Variants in CUL9 observed in about 807,000 individuals in gnomAD.
The protein encoded by CUL9 is cullin-9.
Under a neutral mutation model 272.6 loss-of-function variants are expected in CUL9, and 79 were observed. The ratio of observed to expected loss-of-function variants is 0.29; its 90% CI spans 0.24 to 0.35. The LOEUF is 0.35. CUL9 is among the 10% of genes least tolerant of loss of function. The pLI, the probability that CUL9 is intolerant of heterozygous loss-of-function variation, is 1.00. For synonymous variants in CUL9, 1,186 were observed against 1,286.5 expected, an observed-to-expected ratio of 0.92 and a Z score of 1.67; for missense variants, 2,532 against 3,255.6, an observed-to-expected ratio of 0.78 and a Z score of 5.41.
At chr6:43,191,840 C>T (rs1773543614) in intron 8 of CUL9, among the ~76,000 whole-genome samples, 1 of 151,790 alleles carries the variant, frequency 6.6e-6, no homozygotes, top group Non-Finnish European at 1.5e-5. Flanking sequence ...CTACCTCAGT[C>T]TCCCAAAGTG....
Position 43,184,735 on chromosome 6 carries a change from T to C in CUL9, c.425T>C (p.Val142Ala), listed in dbSNP as rs769946130. The change falls in exon 2 of 41, where the codon GTG (valine) becomes GCG (alanine). Residue 142 changes from valine (V) to alanine (A), a missense_variant. By Grantham distance (64) the Val-to-Ala change is moderately conservative (BLOSUM62 0). Coordinates refer to ENST00000252050, the MANE Select transcript of CUL9 (RefSeq NM_015089.4). The surrounding 1 kb of genome is among the most constrained non-coding windows in gnomAD (Gnocchi z 4.8). Reference protein sequence around the residue: ...ESGTPSLTAAVLHTIHVLSAY... With the variant: ...ESGTPSLTAAALHTIHVLSAY... ...GGGACCCCAAGCCTCACGGCCGCTG[T>C]GCTTCACACCATCCACGTGCTCAGT... is the stretch of plus-strand genomic sequence containing the variant. 1.2e-6 allele frequency: 2 copies of C among 1,614,088 alleles called. No individual in the cohort carries two copies. The highest frequency in any genetic ancestry group is 1.7e-6 in the Non-Finnish European group (2 of 1,180,052).
In CUL9 at chr6:43,204,363, C is replaced by A; in HGVS notation, c.4163C>A (p.Ala1388Glu). 2 of 1,613,652 alleles carry A rather than the reference C, an allele frequency of 1.2e-6. No individual in the cohort carries two copies. Among genetic ancestry groups the A allele is most frequent in the Non-Finnish European group, 1.7e-6 (2 of 1,179,622 alleles). Residue 1388 changes from alanine (A) to glutamate (E), a missense_variant, in exon 21 of 41, where the codon GCG becomes GAG. Around this residue, in one of 3 missense-constraint regions of CUL9, gnomAD observed 2,218 missense variants for 2,788.6 expected, o/e 0.80. Coordinates refer to ENST00000252050, the MANE Select transcript of CUL9 (RefSeq NM_015089.4). ...TTCCTGACCTGTCTTCTTTCAGATG[C>A]GGAAGGCGTGAGTGCCCTGGGATGG... ...PLVQNITSPD[A>E]EGVSALGWLL...
At chr6:43,207,083 ATCCACCC>A (rs908055816) in intron 26 of CUL9, among the ~76,000 whole-genome samples, 43 of 152,168 alleles carry the variant, frequency 2.8e-4, no homozygotes, top group African/African-American at 1.0e-3. Flanking sequence ...ACCTCAGGTG[ATCCACCC>A]GCCTCAGTGA....
Position 43,223,089 on chromosome 6 carries a change from C to T in CUL9, c.7151-175C>T. ...CTACATTGTAAGGTGCCCAAGGGCG[C>T]AGATGTTCGTGGATGTTTCTTGGTT... On this transcript the variant is annotated intron_variant, in intron 38 of 40. Coordinates refer to ENST00000252050, the MANE Select transcript of CUL9 (RefSeq NM_015089.4). This position sits in a 1 kb window ranked among gnomAD's most constrained non-coding sequence, Gnocchi z 4.1. 2.0e-6 allele frequency: 2 copies of T among 1,020,310 alleles called. No homozygotes were observed. Among genetic ancestry groups the T allele is most frequent in the Non-Finnish European group, 1.4e-6 (1 of 705,164 alleles). The allele number at this position is 1,020,310 out of a possible 1,614,324, so 63.2% of individuals were successfully genotyped here.
chr6:43,185,337 T>C (rs1772807718), intron 2 of CUL9, 119 bp from the exon 3 acceptor site: 1 of 983,998 alleles, frequency 1.0e-6, no homozygotes. Flanking sequence ...AATGTATTTC[T>C]TTCTGTGAGC....
Position 43,223,248 on chromosome 6 carries a change from C to A in CUL9, c.7151-16C>A. On this transcript the variant is annotated splice_polypyrimidine_tract_variant and intron_variant, in intron 38 of 40. Coordinates refer to ENST00000252050, the MANE Select transcript of CUL9 (RefSeq NM_015089.4). The surrounding 1 kb of genome is among the most constrained non-coding windows in gnomAD (Gnocchi z 4.1). Reference sequence around the variant, plus strand: ...AATGAGAAGGGAGGGAGCCTCTGTGCCTGCCCCCTCTGCAGAGGAAACCCT... The same window carrying A: ...AATGAGAAGGGAGGGAGCCTCTGTGACTGCCCCCTCTGCAGAGGAAACCCT... 6.3e-7 allele frequency: 1 copy of A among 1,587,570 alleles called. No individual in the cohort carries two copies. Among genetic ancestry groups the A allele is most frequent in the Non-Finnish European group, 8.6e-7 (1 of 1,164,818 alleles).
In CUL9 at chr6:43,215,344, C is replaced by T. The variant is rs1433778845; in HGVS notation, c.5936+18C>T. 4 of 1,588,154 alleles carry T rather than the reference C, an allele frequency of 2.5e-6. No homozygotes were observed. The highest frequency in any genetic ancestry group is 3.4e-6 in the Non-Finnish European group (4 of 1,168,076). On this transcript the variant is annotated intron_variant, in intron 30 of 40. Transcript: ENST00000252050. Reference sequence around the variant, plus strand: ...AAGCCCAGGTAGCCACTGCACCTGACCCCTTGCAGTGAGGCGGGAGAGGTG... The same window carrying T: ...AAGCCCAGGTAGCCACTGCACCTGATCCCTTGCAGTGAGGCGGGAGAGGTG...
Position 43,187,300 on chromosome 6 carries a change from T to A in CUL9, c.1442T>A (p.Leu481His), listed in dbSNP as rs878860628. Residue 481 changes from leucine (L) to histidine (H), a missense_variant, in exon 6 of 41, where the codon CTC becomes CAC. Leu to His is a moderately conservative substitution (Grantham distance 99). Transcript: ENST00000252050. The part of the protein sequence containing the change: ...PMDGLYPLPY[L>H]QPEPQKNERV... The stretch of plus-strand genomic sequence containing the variant: ...GATGGGCTGTACCCTTTGCCGTACC[T>A]CCAGCCCGAACCTCAGAAGAATGAG... 2 of 1,614,068 alleles carry A rather than the reference T, an allele frequency of 1.2e-6. No homozygotes were observed. The highest frequency in any genetic ancestry group is 2.2e-5 in the South Asian group (2 of 91,088).
chr6:43,205,673 T>C (rs1045080708), intron 24 of CUL9, among the ~76,000 whole-genome samples: 1 of 151,876 alleles, frequency 6.6e-6, no homozygotes, highest in Non-Finnish European at 1.5e-5. Flanking sequence ...ATACAAAAAT[T>C]AGCCAGGTGT....
At chr6:43,182,679 A>AC (rs1772508925) in intron 1 of CUL9, among the ~76,000 whole-genome samples, 1 of 151,588 alleles carries the variant, frequency 6.6e-6, no homozygotes, top group Non-Finnish European at 1.5e-5. Flanking sequence ...TCCTAAGTGG[A>AC]CCCCTACCTC....
At chr6:43,194,431 G>A (rs1468048974) in intron 9 of CUL9, among the ~76,000 whole-genome samples, 4 of 151,736 alleles carry the variant, frequency 2.6e-5, no homozygotes, top group Admixed American at 6.6e-5. Flanking sequence ...CGATTCTCCC[G>A]CCTCAGCCTC....
At position 43,193,229 on chromosome 6, in the gene CUL9, G is replaced by A. The variant is rs377431926; in HGVS notation, c.2388+21G>A. The A allele has an allele frequency of 1.4e-4, 222 of 1,609,798 alleles. No homozygotes were observed. The African/African-American group carries it at 2.4e-3, about 17-fold the overall frequency. On this transcript the variant is annotated intron_variant, in intron 9 of 40. Transcript: ENST00000252050. ...TGGCGGTGAGTACATTGGGCCTGGCGGGAGAGAACAATGGGCAAGACAGGC... is the reference window on the plus strand; with the variant it reads ...TGGCGGTGAGTACATTGGGCCTGGCAGGAGAGAACAATGGGCAAGACAGGC...
chr6:43,190,958 C>G (rs1033714822), intron 8 of CUL9, among the ~76,000 whole-genome samples: 4 of 152,040 alleles, frequency 2.6e-5, no homozygotes, highest in African/African-American at 9.7e-5. Context: ...CTAGCTCCTG[C>G]GCTTGTCTCG....
chr6:43,193,262 G>A, intron 9 of CUL9, 54 bp downstream of exon 9: 1 of 1,540,378 alleles, frequency 6.5e-7, no homozygotes, highest in Non-Finnish European at 9.0e-7. Flanking sequence ...GGCAGACTGG[G>A]GACTACTGAT....
rs893703440 is a variant in CUL9 at position 43,184,210 on chromosome 6, C to T, written c.-9-92C>T. The T allele has an allele frequency of 2.0e-6, 2 of 1,009,536 alleles. No individual in the cohort carries two copies. Among genetic ancestry groups the T allele is most frequent in the Non-Finnish European group, 2.8e-6 (2 of 725,252 alleles). The allele number at this position is 1,009,536 out of a possible 1,614,324, so 62.5% of individuals were successfully genotyped here. A position where few individuals can be genotyped will look rare whatever the true frequency, so the allele number is the denominator to read the frequency against. ...TTCTACCATGCAGCCTACCGATCAC[C>T]ACCCACCTTCTCTGTGTCTCAAGAT... On this transcript the variant is annotated intron_variant, in intron 1 of 40. Transcript: ENST00000252050. The surrounding 1 kb of genome is among the most constrained non-coding windows in gnomAD (Gnocchi z 4.8).
chr6:43,222,752 C>T lies in CUL9; in HGVS notation c.7033-27C>T, dbSNP rs73436490. The T allele has an allele frequency of 0.027, 43,275 of 1,608,724 alleles. 613 individuals are homozygous for T. The highest frequency in any genetic ancestry group is 0.029 in the Non-Finnish European group (34,437 of 1,176,046). On this transcript the variant is annotated intron_variant, in intron 37 of 40. Transcript: ENST00000252050. Reference sequence around the variant, plus strand: ...GTGAAGGGAATGAGGAGAGGGCAGGCGGGAGAGCTGATGGGAGCCCCTGCA... The same window carrying T: ...GTGAAGGGAATGAGGAGAGGGCAGGTGGGAGAGCTGATGGGAGCCCCTGCA...
rs1386570680 is a variant in CUL9 at position 43,223,315 on chromosome 6, G to A, written c.7202G>A (p.Arg2401Gln). Residue 2401 changes from arginine (R) to glutamine (Q), a missense_variant, in exon 39 of 41, where the codon CGG (arginine) becomes CAG (glutamine). By Grantham distance (43) the Arg-to-Gln change is conservative (BLOSUM62 1). Around this residue, in one of 3 missense-constraint regions of CUL9, gnomAD observed 237 missense variants for 305.9 expected, o/e 0.77. Coordinates refer to ENST00000252050, the MANE Select transcript of CUL9 (RefSeq NM_015089.4). This position sits in a 1 kb window ranked among gnomAD's most constrained non-coding sequence, Gnocchi z 4.1. ...RDLASSLRLL[R>Q]ADCLSTGMEL... ...CTGGCCTCCTCCCTGCGCCTCCTGC[G>A]GGCCGACTGCCTCAGCACGGGCATG... The A allele has an allele frequency of 5.0e-6, 8 of 1,601,032 alleles. No homozygotes were observed. Among genetic ancestry groups the A allele is most frequent in the East Asian group, 2.3e-5 (1 of 44,416 alleles).
At chr6:43,205,506 A>G in intron 24 of CUL9, 83 bp downstream of exon 24, 1 of 1,478,414 alleles carries the variant, frequency 6.8e-7, no homozygotes. Context: ...GGGAGATGAG[A>G]AAAGAGGCTG....
chr6:43,211,600 G>A (rs899979593), intron 26 of CUL9, among the ~76,000 whole-genome samples: 1 of 152,030 alleles, frequency 6.6e-6, no homozygotes, highest in Non-Finnish European at 1.5e-5. Context: ...GGAGTTTGGT[G>A]GAAAACCCTA....
Sources: gnomAD v4.1 joint callset for allele counts (sites outside exome capture counted in the v4.1 genomes callset) on GRCh38, gnomAD v4.1.1 for gene constraint, gnomAD v4.1.1 regional missense constraint, Gnocchi (gnomAD v3.1) non-coding constraint, MANE v1.5 for transcripts, NCBI Gene and HGNC (gene_info 2026-07-23, HGNC 2026-07-21) for gene names.